The following DLC1 variants were observed in gnomAD, a reference collection of about 807,000 sequenced individuals.
DLC1 encodes the protein DLC1 Rho GTPase activating protein, also known as rho GTPase-activating protein 7.
Under a neutral mutation model 140.3 loss-of-function variants are expected in DLC1, and 54 were observed. The observed-to-expected ratio is 0.38, with a 90% CI of 0.31 to 0.48. The LOEUF (loss-of-function observed/expected upper bound fraction) is 0.48. DLC1 is among the 20% of genes least tolerant of loss of function. The probability of loss-of-function intolerance (pLI) is 0.96; values close to 1 mark genes in which losing one functional copy is unlikely to be tolerated. For synonymous variants in DLC1, 986 were observed against 728.1 expected (o/e 1.35, Z -5.70); for missense variants, 2,536 against 1,907.0 (o/e 1.33, Z -6.14).
chr8:13,584,744 G>C (rs1440719334), intron 1 of DLC1, among the ~76,000 whole-genome samples: 1 of 152,070 alleles, frequency 6.6e-6, no homozygotes, highest in African/African-American at 2.4e-5. Context: ...TATTCCGAAG[G>C]GCAACTTTCG....
chr8:13,490,264 G>C (rs919961953), intron 2 of DLC1, among the ~76,000 whole-genome samples: 2 of 152,216 alleles, frequency 1.3e-5, no homozygotes, highest in Non-Finnish European at 2.9e-5. Context: ...AAAAATTGAA[G>C]AGGTTCGTTA....
intron 1 of DLC1, among the ~76,000 whole-genome samples, chr8:13,573,299 G>C (rs112859504): frequency 6.6e-6 from 1 of 151,916 alleles, no homozygotes; most frequent in Non-Finnish European, 1.5e-5. Context: ...GTTGATTTTT[G>C]CATGCTGGTT....
At chr8:13,310,093 C>T in intron 4 of DLC1, among the ~76,000 whole-genome samples, 1 of 152,170 alleles carries the variant, frequency 6.6e-6, no homozygotes, top group East Asian at 1.9e-4. Context: ...AGGCCAATCT[C>T]TTCAAACAAC....
At chr8:13,286,002 A>G (rs1322603121) in intron 5 of DLC1, among the ~76,000 whole-genome samples, 1 of 152,176 alleles carries the variant, frequency 6.6e-6, no homozygotes, top group African/African-American at 2.4e-5. Context: ...CCGGGGAAAT[A>G]TTTGCACAAT....
In DLC1 at chr8:13,566,886, G is replaced by A. The variant is rs1457826371; in HGVS notation, c.-126+37651C>T. On this transcript the variant is annotated intron_variant, in intron 1 of 1. Transcript: ENST00000631382. ...TCTCCCGGAAGACGACCTCCGCAGA[G>A]CTGATGGCATTGAGATCCATTCCCG... The A allele has an allele frequency of 7.2e-6, 10 of 1,391,238 alleles. No homozygotes were observed. In the East Asian group the frequency reaches 2.3e-4, roughly 32 times the overall value. The allele number at this position is 1,391,238 out of a possible 1,614,324, so 86.2% of individuals were successfully genotyped here.
chr8:13,548,646 T>C (rs1244139724), intron 1 of DLC1, among the ~76,000 whole-genome samples: 6 of 152,072 alleles, frequency 3.9e-5, no homozygotes, highest in Non-Finnish European at 1.5e-5. Flanking sequence ...TCAGCTCTCA[T>C]ATGGATTTGG....
chr8:13,289,796 G>A lies in DLC1; in HGVS notation c.1348+15473C>T, dbSNP rs190479832. Among the ~76,000 whole-genome samples, 146 of 152,240 alleles carry A rather than the reference G, an allele frequency of 9.6e-4. 1 individual carries two copies. Among genetic ancestry groups the A allele is most frequent in the African/African-American group, 3.3e-3 (135 of 41,524 alleles). On this transcript the variant is annotated intron_variant, in intron 5 of 17. Transcript: ENST00000276297. Reference sequence around the variant, plus strand: ...CATCTACTTATTGAATGTGAGTGGCGTGACACCCAGCTTCTCATTGTACAG... The same window carrying A: ...CATCTACTTATTGAATGTGAGTGGCATGACACCCAGCTTCTCATTGTACAG...
chr8:13,520,622 TAAAA>T (rs907078466), intron 1 of DLC1, among the ~76,000 whole-genome samples: 3 of 151,148 alleles, frequency 2.0e-5, no homozygotes, highest in Middle Eastern at 3.2e-3. Context: ...AAAGTATAAT[TAAAA>T]AAAGAAAAAA....
intron 5 of DLC1, among the ~76,000 whole-genome samples, chr8:13,145,227 G>A (rs887381163): frequency 1.3e-5 from 2 of 151,826 alleles, no homozygotes; most frequent in African/African-American, 2.4e-5. Context: ...TATTAGCAAA[G>A]AAGAAAGTCT....
intron 5 of DLC1, among the ~76,000 whole-genome samples, chr8:13,177,645 A>G (rs1825823087): frequency 6.6e-6 from 1 of 152,246 alleles, no homozygotes; most frequent in Non-Finnish European, 1.5e-5. Context: ...TGAGGTCTGC[A>G]AATGAAATTG....
upstream of DLC1, among the ~76,000 whole-genome samples, chr8:13,516,945 C>T (rs1013485055): frequency 6.6e-6 from 1 of 152,138 alleles, no homozygotes; most frequent in African/African-American, 2.4e-5. Flanking sequence ...AATTTTTTCT[C>T]CATAAACTGC....
upstream of DLC1, among the ~76,000 whole-genome samples, chr8:13,518,343 A>G (rs927169732): frequency 6.6e-6 from 1 of 152,118 alleles, no homozygotes; most frequent in Admixed American, 6.5e-5. Context: ...TCCTGACCTC[A>G]AGTGATCTGC....
Position 13,098,545 on chromosome 8 carries a change from G to C in DLC1, c.3021C>G (p.Ser1007Arg), listed in dbSNP as rs780462302. 14 of 1,614,190 alleles carry C rather than the reference G, an allele frequency of 8.7e-6. No individual in the cohort carries two copies. In the Admixed American group the frequency reaches 2.3e-4, roughly 27 times the overall value. Residue 1007 changes from serine to arginine, a missense_variant, in exon 10 of 18, where the codon AGC becomes AGG. Ser to Arg is a moderately radical substitution (Grantham distance 110). Transcript: ENST00000276297. Reference sequence around the variant, plus strand: ...CAGAGTTGAGGCTTGGCCGATGTGAGCTCTGGAAACTGTGCCATCTCAGTC... The same window carrying C: ...CAGAGTTGAGGCTTGGCCGATGTGACCTCTGGAAACTGTGCCATCTCAGTC... ...RHRLRWHSFQ[S>R]SHRPSLNSVS...
chr8:13,301,153 T>C (rs1317896275), intron 5 of DLC1, among the ~76,000 whole-genome samples: 1 of 151,974 alleles, frequency 6.6e-6, no homozygotes, highest in East Asian at 1.9e-4. Context: ...CATAAACATT[T>C]CTCTGAAACT....
intron 2 of DLC1, among the ~76,000 whole-genome samples, chr8:13,475,936 A>C (rs1459032142): frequency 1.3e-5 from 2 of 152,168 alleles, no homozygotes; most frequent in Non-Finnish European, 2.9e-5. Flanking sequence ...GTTCCCACAT[A>C]CTTGGGTCAT....
chr8:13,483,109 C>T (rs747741358), intron 2 of DLC1, among the ~76,000 whole-genome samples: 1 of 152,206 alleles, frequency 6.6e-6, no homozygotes, highest in Admixed American at 6.5e-5. Flanking sequence ...TGGCTTCAGG[C>T]GCTCCTCTAC....
intron 2 of DLC1, among the ~76,000 whole-genome samples, chr8:13,460,728 A>T (rs1291010740): frequency 1.3e-5 from 2 of 152,250 alleles, no homozygotes; most frequent in Non-Finnish European, 2.9e-5. Context: ...TGCCTTTGCA[A>T]GGGTAAAAGG....
At chr8:13,143,101 G>C (rs17126052) in intron 5 of DLC1, among the ~76,000 whole-genome samples, 1 of 150,710 alleles carries the variant, frequency 6.6e-6, no homozygotes, top group Non-Finnish European at 1.5e-5. Flanking sequence ...ATATTGGTGG[G>C]TGCAAGCCCA....
chr8:13,585,172 T>C (rs1177927149), intron 1 of DLC1, among the ~76,000 whole-genome samples: 2 of 152,192 alleles, frequency 1.3e-5, no homozygotes, highest in Non-Finnish European at 2.9e-5. Flanking sequence ...AAAAATATTG[T>C]GCATATAATC....
Sources: allele counts gnomAD v4.1 joint callset (sites outside exome capture counted in the v4.1 genomes callset), GRCh38; gene constraint gnomAD v4.1.1; transcripts MANE v1.5; gene names NCBI Gene and HGNC (gene_info 2026-07-23, HGNC 2026-07-21).